CDC42BPA: variants seen among roughly 807,000 people sequenced by gnomAD.
CDC42BPA encodes CDC42 binding protein kinase alpha, also known as serine/threonine-protein kinase MRCK alpha.
A neutral mutation model predicts 223.5 loss-of-function variants in CDC42BPA; 80 were observed. That is an observed-to-expected ratio of 0.36 (90% CI 0.30 to 0.43). CDC42BPA has a LOEUF of 0.43. CDC42BPA is among the 20% of genes least tolerant of loss of function. The probability of loss-of-function intolerance (pLI) is 1.00; values close to 1 mark genes in which losing one functional copy is unlikely to be tolerated. For missense variants in CDC42BPA, 1,743 were observed against 2,099.9 expected (o/e 0.83, Z 3.32); for synonymous variants, 694 against 718.6 (o/e 0.97, Z 0.55).
intron 1 of CDC42BPA, among the ~76,000 whole-genome samples, chr1:227,274,303 A>G (rs969557636): frequency 2.0e-5 from 3 of 152,144 alleles, no homozygotes; most frequent in Non-Finnish European, 4.4e-5. Context: ...TTCCAATCAG[A>G]TTATCTTTTT....
chr1:227,106,119 T>C (rs1297152380), intron 14 of CDC42BPA, among the ~76,000 whole-genome samples: 1 of 152,226 alleles, frequency 6.6e-6, no homozygotes, highest in East Asian at 1.9e-4. Context: ...TTCTTTCTTT[T>C]TAATTTTAGC....
intron 1 of CDC42BPA, among the ~76,000 whole-genome samples, chr1:227,282,402 T>C: frequency 6.6e-6 from 1 of 152,204 alleles, no homozygotes; most frequent in East Asian, 1.9e-4. Context: ...TACTCTAAAA[T>C]GTCTGCATAG....
At chr1:227,114,388 A>G (rs1278909341) in intron 12 of CDC42BPA, among the ~76,000 whole-genome samples, 1 of 151,982 alleles carries the variant, frequency 6.6e-6, no homozygotes, top group African/African-American at 2.4e-5. Context: ...GGCTTCATAT[A>G]AACAAAACTG....
intron 3 of CDC42BPA, among the ~76,000 whole-genome samples, chr1:227,208,242 A>T (rs1422252093): frequency 2.6e-5 from 4 of 151,106 alleles, no homozygotes; most frequent in Admixed American, 6.6e-5. Context: ...GTTTGAGTTC[A>T]TTGTAGATTC....
At chr1:227,127,684 A>G (rs1296618921) in intron 11 of CDC42BPA, among the ~76,000 whole-genome samples, 1 of 152,228 alleles carries the variant, frequency 6.6e-6, no homozygotes, top group Non-Finnish European at 1.5e-5. Context: ...ACAATAACTT[A>G]CTTTTGGAAA....
At chr1:227,190,663 C>T (rs1002444175) in intron 5 of CDC42BPA, among the ~76,000 whole-genome samples, 1 of 152,180 alleles carries the variant, frequency 6.6e-6, no homozygotes, top group African/African-American at 2.4e-5. Context: ...ATATGCTATA[C>T]CCACTTACTT....
intron 19 of CDC42BPA, 59 bp downstream of exon 19, chr1:227,073,805 C>T (rs1367409547): frequency 7.5e-7 from 1 of 1,335,912 alleles, no homozygotes; most frequent in Non-Finnish European, 1.0e-6. Flanking sequence ...TAACTTCTCT[C>T]CAAATAATTA....
intron 22 of CDC42BPA, among the ~76,000 whole-genome samples, chr1:227,050,914 A>G (rs1317392350): frequency 6.6e-6 from 1 of 152,212 alleles, no homozygotes; most frequent in Non-Finnish European, 1.5e-5. Flanking sequence ...AAATTTTCGT[A>G]TCTGTTTAAT....
intron 23 of CDC42BPA, among the ~76,000 whole-genome samples, chr1:227,045,186 T>G (rs1477365808): frequency 6.6e-6 from 1 of 152,252 alleles, no homozygotes; most frequent in Admixed American, 6.5e-5. Flanking sequence ...ACATGGGTGA[T>G]AAAAATTTCT....
At chr1:227,177,940 A>AT (rs35468760) in intron 5 of CDC42BPA, among the ~76,000 whole-genome samples, 1 of 151,550 alleles carries the variant, frequency 6.6e-6, no homozygotes. Flanking sequence ...AAGACATTTA[A>AT]TTTTTTTTTC....
intron 6 of CDC42BPA, among the ~76,000 whole-genome samples, chr1:227,149,331 T>A (rs956834196): frequency 6.6e-6 from 1 of 152,204 alleles, no homozygotes; most frequent in African/African-American, 2.4e-5. Context: ...CAAGGTTAGT[T>A]GCCTCTAGGA....
At chr1:227,117,045 T>C (rs925901776) in intron 12 of CDC42BPA, among the ~76,000 whole-genome samples, 3 of 152,182 alleles carry the variant, frequency 2.0e-5, no homozygotes, top group Admixed American at 1.3e-4. Context: ...TATAAGCACC[T>C]GCATAAATGT....
intron 11 of CDC42BPA, among the ~76,000 whole-genome samples, chr1:227,124,908 A>G (rs12136857): frequency 0.14 from 21,370 of 152,086 alleles, 1,891 homozygotes; most frequent in South Asian, 0.34. Context: ...TTAAAACCCT[A>G]AGACATTATA....
chr1:227,308,332 C>T lies in CDC42BPA; in HGVS notation c.178+8673G>A, dbSNP rs116565145. 5.7e-3 allele frequency among the ~76,000 whole-genome samples: 864 copies of T among 151,982 alleles called. 13 individuals carry two copies. Among genetic ancestry groups the T allele is most frequent in the African/African-American group, 0.019 (794 of 41,478 alleles). On this transcript the variant is annotated intron_variant, in intron 1 of 36. Coordinates refer to ENST00000366766, the MANE Select transcript of CDC42BPA (RefSeq NM_001394014.1). ...ATGAACCTGGGCAACATGGTGAAACCTTGTGTCTACTAAAATACAAGAAAA... is the reference window on the plus strand; with the variant it reads ...ATGAACCTGGGCAACATGGTGAAACTTTGTGTCTACTAAAATACAAGAAAA...
intron 5 of CDC42BPA, among the ~76,000 whole-genome samples, chr1:227,179,622 C>T (rs751594767): frequency 1.5e-3 from 144 of 93,800 alleles, no homozygotes; most frequent in Middle Eastern, 9.8e-3. Context: ...GGCAACAGAG[C>T]GAGCCTCCAT....
chr1:227,157,955 C>CTT (rs59212512), intron 6 of CDC42BPA, among the ~76,000 whole-genome samples: 92,839 of 144,890 alleles, frequency 0.64, 30,019 homozygotes, highest in South Asian at 0.73. Flanking sequence ...ATTTTTATAA[C>CTT]TTTTTTTTTT....
At chr1:227,005,651 G>A (rs1158883383) in intron 34 of CDC42BPA, among the ~76,000 whole-genome samples, 3 of 152,270 alleles carry the variant, frequency 2.0e-5, no homozygotes, top group Non-Finnish European at 2.9e-5. Context: ...GAAATAAGAC[G>A]CTGCAATACT....
intron 15 of CDC42BPA, among the ~76,000 whole-genome samples, chr1:227,099,113 C>T (rs545171): frequency 0.13 from 19,635 of 151,834 alleles, 1,349 homozygotes; most frequent in East Asian, 0.26. Flanking sequence ...ACTGTGCTGT[C>T]GGCAGTATAA....
At chr1:227,067,619 T>C (rs930589179) in intron 21 of CDC42BPA, among the ~76,000 whole-genome samples, 1 of 152,166 alleles carries the variant, frequency 6.6e-6, no homozygotes. Flanking sequence ...AGAGTAATTA[T>C]TTGTTTTGAG....
Sources: gnomAD v4.1 joint callset for allele counts (sites outside exome capture counted in the v4.1 genomes callset) on GRCh38, gnomAD v4.1.1 for gene constraint, MANE v1.5 for transcripts, NCBI Gene and HGNC (gene_info 2026-07-23, HGNC 2026-07-21) for gene names.